The following RAB38 variants were observed in gnomAD, a reference collection of about 807,000 sequenced individuals.
The protein encoded by RAB38 is RAB38, member RAS oncogene family, also known as ras-related protein Rab-38.
Under a neutral mutation model 18.4 loss-of-function variants are expected in RAB38, and 15 were observed. That is an observed-to-expected ratio of 0.82 (90% CI 0.55 to 1.26). The LOEUF (loss-of-function observed/expected upper bound fraction) is 1.26. Among genes scored for constraint, RAB38 ranks in the 50% most tolerant of loss-of-function variants. The pLI is 0.00. For synonymous variants in RAB38, 101 were observed against 104.4 expected (o/e 0.97, Z 0.20); for missense variants, 294 against 267.4 (o/e 1.10, Z -0.69).
chr11:87,828,512 A>G, the RAB38 span, among the ~76,000 whole-genome samples: 3 of 152,186 alleles, frequency 2.0e-5, no homozygotes, highest in East Asian at 1.9e-4. Flanking sequence ...AACACATGCA[A>G]TTATGATAGG....
intron 1 of RAB38, among the ~76,000 whole-genome samples, chr11:88,163,224 G>T (rs190793978): frequency 6.6e-6 from 1 of 152,084 alleles, no homozygotes. Flanking sequence ...ACCCTAAGAG[G>T]CTGTTACTTT....
the RAB38 span, among the ~76,000 whole-genome samples, chr11:88,078,458 A>T: frequency 6.6e-6 from 1 of 151,492 alleles, no homozygotes; most frequent in Non-Finnish European, 1.5e-5. Context: ...AAGGGATAAA[A>T]GGATAAAGAA....
At chr11:87,937,346 A>T in the RAB38 span, among the ~76,000 whole-genome samples, 29 of 130,402 alleles carry the variant, frequency 2.2e-4, no homozygotes, top group Middle Eastern at 0.011. Flanking sequence ...ATATATATAT[A>T]TATATCATAA....
the RAB38 span, among the ~76,000 whole-genome samples, chr11:87,873,108 C>T: frequency 0.033 from 4,970 of 151,636 alleles, 220 homozygotes; most frequent in Admixed American, 0.13. Context: ...TTCTCATTAG[C>T]ACCTGGTGTC....
the RAB38 span, among the ~76,000 whole-genome samples, chr11:87,807,595 A>T: frequency 6.6e-6 from 1 of 152,226 alleles, no homozygotes; most frequent in Non-Finnish European, 1.5e-5. Flanking sequence ...TTTGTTAACT[A>T]GGTAGACAGA....
chr11:87,820,326 A>G, the RAB38 span, among the ~76,000 whole-genome samples: 433 of 152,342 alleles, frequency 2.8e-3, 2 homozygotes, highest in Non-Finnish European at 5.0e-3. Context: ...CCTCTTCAAT[A>G]TAAGGATGAG....
the RAB38 span, chr11:88,097,801 C>G: frequency 2.6e-5 from 4 of 151,936 alleles, no homozygotes; most frequent in Non-Finnish European, 5.9e-5. Context: ...ACAATATGTT[C>G]TGATTGTGTC....
At chr11:87,806,891 G>T in the RAB38 span, among the ~76,000 whole-genome samples, 1 of 152,146 alleles carries the variant, frequency 6.6e-6, no homozygotes, top group Non-Finnish European at 1.5e-5. Context: ...CATTTTCCCT[G>T]ATGGCTGGCT....
the RAB38 span, among the ~76,000 whole-genome samples, chr11:88,026,648 G>A: frequency 1.3e-5 from 2 of 151,520 alleles, no homozygotes; most frequent in African/African-American, 4.9e-5. Context: ...AAAGTGCTGG[G>A]ATTACAGACA....
chr11:87,883,781 C>G, the RAB38 span, among the ~76,000 whole-genome samples: 1 of 151,874 alleles, frequency 6.6e-6, no homozygotes, highest in South Asian at 2.1e-4. Flanking sequence ...TAGAAGGTGT[C>G]ATGACCTAAG....
At chr11:88,018,665 A>G in the RAB38 span, among the ~76,000 whole-genome samples, 1 of 152,174 alleles carries the variant, frequency 6.6e-6, no homozygotes, top group Non-Finnish European at 1.5e-5. Context: ...AGCTACCAAA[A>G]TCTATCATGT....
At chr11:88,153,334 TAC>T (rs1943085911) in intron 1 of RAB38, among the ~76,000 whole-genome samples, 1 of 152,180 alleles carries the variant, frequency 6.6e-6, no homozygotes, top group Non-Finnish European at 1.5e-5. Context: ...CAGCTAAAAA[TAC>T]ACACAAACAT....
chr11:88,088,766 T>C, the RAB38 span, among the ~76,000 whole-genome samples: 1 of 151,894 alleles, frequency 6.6e-6, no homozygotes, highest in Non-Finnish European at 1.5e-5. Context: ...CTTTAAATTA[T>C]TTAAAGCAAT....
the RAB38 span, among the ~76,000 whole-genome samples, chr11:88,039,942 C>T: frequency 2.0e-5 from 3 of 152,138 alleles, no homozygotes; most frequent in Non-Finnish European, 4.4e-5. Flanking sequence ...CTCAATTGCA[C>T]CATTGATTGT....
the RAB38 span, chr11:88,050,175 C>T: frequency 6.6e-6 from 1 of 152,158 alleles, no homozygotes; most frequent in Non-Finnish European, 1.5e-5. Context: ...CAATGAATTA[C>T]CCTTTATGTA....
At chr11:88,103,955 G>A in the RAB38 span, among the ~76,000 whole-genome samples, 5 of 152,196 alleles carry the variant, frequency 3.3e-5, no homozygotes, top group Non-Finnish European at 7.4e-5. Context: ...CGTCAGTGAG[G>A]GTGGAAGACC....
chr11:87,974,480 T>C, the RAB38 span, among the ~76,000 whole-genome samples: 1 of 151,620 alleles, frequency 6.6e-6, no homozygotes, highest in Non-Finnish European at 1.5e-5. Flanking sequence ...AAAACCTCAG[T>C]GACTTGTGAG....
At chr11:87,830,711 T>C in the RAB38 span, among the ~76,000 whole-genome samples, 8 of 152,144 alleles carry the variant, frequency 5.3e-5, no homozygotes, top group African/African-American at 1.9e-4. Context: ...ATTATAATGA[T>C]ATGCTCTAAT....
chr11:87,858,521 G>A, the RAB38 span, among the ~76,000 whole-genome samples: 4 of 151,972 alleles, frequency 2.6e-5, no homozygotes, highest in Admixed American at 1.3e-4. Flanking sequence ...AAGCCATTAC[G>A]GTTCTAGCAT....
Sources: gnomAD v4.1 joint callset for allele counts (sites outside exome capture counted in the v4.1 genomes callset) on GRCh38, gnomAD v4.1.1 for gene constraint, MANE v1.5 for transcripts, NCBI Gene and HGNC (gene_info 2026-07-23, HGNC 2026-07-21) for gene names.